The following SSBP2 variants were observed in gnomAD, a reference collection of about 807,000 sequenced individuals.
SSBP2 encodes single-stranded DNA-binding protein 2.
In SSBP2, 17 loss-of-function variants were observed where a neutral mutation model predicts 61.8. The ratio of observed to expected loss-of-function variants is 0.28; its 90% confidence interval spans 0.19 to 0.41. The LOEUF (loss-of-function observed/expected upper bound fraction) is 0.41. Among genes scored for constraint, SSBP2 ranks in the 10% least tolerant of loss-of-function variants. SSBP2 has a pLI of 1.00. For missense variants in SSBP2, 310 were observed against 458.7 expected, an observed-to-expected ratio of 0.68 and a Z score of 2.96; for synonymous variants, 139 against 141.3, an observed-to-expected ratio of 0.98 and a Z score of 0.12.
chr5:81,690,457 T>C (rs1011230904), intron 1 of SSBP2, among the ~76,000 whole-genome samples: 2 of 152,084 alleles, frequency 1.3e-5, no homozygotes, highest in Non-Finnish European at 1.5e-5. Context: ...ACTATGCGTA[T>C]ATCAGACAAA....
At chr5:81,747,023 G>GGT (rs1554123673) in intron 1 of SSBP2, among the ~76,000 whole-genome samples, 1 of 29,464 alleles carries the variant, frequency 3.4e-5, no homozygotes, top group Non-Finnish European at 8.8e-5. Context: ...CAAAATTCCT[G>GGT]GGGGGGGGGG....
At chr5:81,602,849 T>C (rs1744506153) in intron 4 of SSBP2, among the ~76,000 whole-genome samples, 1 of 152,050 alleles carries the variant, frequency 6.6e-6, no homozygotes, top group Non-Finnish European at 1.5e-5. Context: ...TGGGTGATGG[T>C]TTTACAAAAT....
chr5:81,601,117 C>T (rs1441890845), intron 4 of SSBP2, among the ~76,000 whole-genome samples: 1 of 152,164 alleles, frequency 6.6e-6, no homozygotes, highest in Non-Finnish European at 1.5e-5. Flanking sequence ...TGTTTATTAA[C>T]AGATAAATTC....
At chr5:81,461,951 G>A (rs1029251576) in intron 9 of SSBP2, among the ~76,000 whole-genome samples, 10 of 151,944 alleles carry the variant, frequency 6.6e-5, no homozygotes, top group African/African-American at 2.4e-4. Flanking sequence ...ACTGTCAGTC[G>A]GTCTCCTCTA....
chr5:81,509,027 A>G (rs1768391947), intron 5 of SSBP2, among the ~76,000 whole-genome samples: 1 of 152,224 alleles, frequency 6.6e-6, no homozygotes, highest in African/African-American at 2.4e-5. Flanking sequence ...GTCAAAGGCA[A>G]TAGGAGGTAA....
At chr5:81,520,561 A>C (rs898067846) in intron 4 of SSBP2, among the ~76,000 whole-genome samples, 1 of 152,068 alleles carries the variant, frequency 6.6e-6, no homozygotes, top group African/African-American at 2.4e-5. Flanking sequence ...TTATTTTTTA[A>C]TTTGTTTTTT....
At chr5:81,591,908 C>T (rs1177683634) in intron 4 of SSBP2, among the ~76,000 whole-genome samples, 1 of 152,202 alleles carries the variant, frequency 6.6e-6, no homozygotes, top group South Asian at 2.1e-4. Flanking sequence ...CCAGTGTGAG[C>T]GACACAGAAA....
At chr5:81,461,139 T>G (rs774581484) in intron 9 of SSBP2, 36 bp from the exon 10 acceptor site, 3 of 1,495,374 alleles carry the variant, frequency 2.0e-6, no homozygotes, top group Non-Finnish European at 2.7e-6. Flanking sequence ...TTTTAACCTA[T>G]GCTTTGAAGG....
intron 6 of SSBP2, among the ~76,000 whole-genome samples, chr5:81,477,028 T>C (rs1418171136): frequency 6.6e-6 from 1 of 152,050 alleles, no homozygotes; most frequent in Non-Finnish European, 1.5e-5. Flanking sequence ...GTGTTGTGTG[T>C]GTGTAACATA....
intron 8 of SSBP2, among the ~76,000 whole-genome samples, chr5:81,471,142 T>C (rs916125394): frequency 5.3e-4 from 81 of 151,846 alleles, no homozygotes; most frequent in African/African-American, 1.7e-3. Context: ...TCATATTATA[T>C]AGAAATAGTA....
At chr5:81,567,658 C>T (rs1199611443) in intron 4 of SSBP2, among the ~76,000 whole-genome samples, 1 of 152,182 alleles carries the variant, frequency 6.6e-6, no homozygotes, top group Non-Finnish European at 1.5e-5. Flanking sequence ...CCACAGCTTG[C>T]ACTGTGCACC....
At chr5:81,427,083 T>G (rs1002562479) in intron 16 of SSBP2, among the ~76,000 whole-genome samples, 1 of 152,154 alleles carries the variant, frequency 6.6e-6, no homozygotes, top group Admixed American at 6.5e-5. Context: ...AATGTTAAAC[T>G]GAATTGAATT....
intron 1 of SSBP2, among the ~76,000 whole-genome samples, chr5:81,674,284 C>T (rs1703530740): frequency 6.6e-6 from 1 of 152,150 alleles, no homozygotes; most frequent in African/African-American, 2.4e-5. Flanking sequence ...AAACCTAAGG[C>T]AACTGCTAGC....
At chr5:81,695,711 C>G (rs186036750) in intron 1 of SSBP2, among the ~76,000 whole-genome samples, 1 of 151,868 alleles carries the variant, frequency 6.6e-6, no homozygotes, top group East Asian at 1.9e-4. Context: ...GCTTGTAATC[C>G]GTAAGTAAAT....
chr5:81,496,510 T>C (rs1325367816), intron 5 of SSBP2, among the ~76,000 whole-genome samples: 1 of 152,092 alleles, frequency 6.6e-6, no homozygotes, highest in Non-Finnish European at 1.5e-5. Flanking sequence ...AAGAAATATA[T>C]AATTACCAGG....
chr5:81,644,048 ATTAAG>A (rs1253829106), intron 2 of SSBP2, among the ~76,000 whole-genome samples: 6 of 152,220 alleles, frequency 3.9e-5, no homozygotes. Flanking sequence ...TCAGTTTAAA[ATTAAG>A]TTAACTGAAT....
intron 1 of SSBP2, among the ~76,000 whole-genome samples, chr5:81,747,139 A>C (rs1380943546): frequency 6.6e-6 from 1 of 151,908 alleles, no homozygotes; most frequent in Non-Finnish European, 1.5e-5. Flanking sequence ...ATCAGGGTGC[A>C]CCAGTGGTTA....
intron 16 of SSBP2, among the ~76,000 whole-genome samples, chr5:81,420,844 T>A (rs1761561937): frequency 2.0e-5 from 3 of 152,154 alleles, no homozygotes; most frequent in Admixed American, 2.0e-4. Context: ...CAGGCACTTG[T>A]AAAAACCTTT....
chr5:81,569,327 C>T (rs1002225444), intron 4 of SSBP2, among the ~76,000 whole-genome samples: 3 of 152,032 alleles, frequency 2.0e-5, no homozygotes, highest in Non-Finnish European at 4.4e-5. Context: ...AGTCTTATTC[C>T]AACATAAGCT....
Sources: gnomAD v4.1 joint callset for allele counts (sites outside exome capture counted in the v4.1 genomes callset) on GRCh38, gnomAD v4.1.1 for gene constraint, MANE v1.5 for transcripts, NCBI Gene and HGNC (gene_info 2026-07-23, HGNC 2026-07-21) for gene names.